The following DCLK2 variants were observed in gnomAD, a reference collection of about 807,000 sequenced individuals.
DCLK2 encodes the protein serine/threonine-protein kinase DCLK2.
DCLK2 carries 31 observed loss-of-function variants against 78.4 expected under a neutral mutation model. The observed-to-expected ratio is 0.40, with a 90% CI of 0.30 to 0.53. The LOEUF (loss-of-function observed/expected upper bound fraction) is 0.53, where lower values mean the gene tolerates loss of function less well. Among genes scored for constraint, DCLK2 ranks in the 20% least tolerant of loss-of-function variants. DCLK2 has a pLI of 0.61. For missense variants in DCLK2, 872 were observed against 973.7 expected (o/e 0.90, Z 1.39); for synonymous variants, 407 against 374.9 (o/e 1.09, Z -0.99).
At position 150,175,026 on chromosome 4, in the gene DCLK2, A is replaced by ATATATATT. The variant is rs1161645435; in HGVS notation, c.757-18104_757-18097dup. The stretch of plus-strand genomic sequence containing the variant: ...AAAAAAAAAAAATATATATATATAT[A>ATATATATT]TATATATTTATATATATTTATATAT... On this transcript the variant is annotated intron_variant, in intron 2 of 15. Transcript: ENST00000296550. 5.4e-5 allele frequency among the ~76,000 whole-genome samples: 3 copies of ATATATATT among 55,140 alleles called. 1 individual carries two copies. Among genetic ancestry groups the ATATATATT allele is most frequent in the Non-Finnish European group, 1.1e-4 (3 of 27,140 alleles). 36.2% of individuals were successfully genotyped at this position (55,140 alleles called of 152,430 possible).
chr4:150,110,104 T>A (rs932870273), intron 2 of DCLK2, among the ~76,000 whole-genome samples: 44 of 152,228 alleles, frequency 2.9e-4, no homozygotes, highest in African/African-American at 1.0e-3. Flanking sequence ...TCCTGTCAGT[T>A]GCAAATTAGA....
chr4:150,169,656 C>CAA (rs60421412), intron 2 of DCLK2, among the ~76,000 whole-genome samples: 2,615 of 98,022 alleles, frequency 0.027, 100 homozygotes, highest in African/African-American at 0.086. Flanking sequence ...AACTCCGTCT[C>CAA]AAAAAAAAAA....
chr4:150,156,452 G>A (rs942615853), intron 2 of DCLK2, among the ~76,000 whole-genome samples: 1 of 151,502 alleles, frequency 6.6e-6, no homozygotes, highest in Admixed American at 6.6e-5. Context: ...TTAAAAACCA[G>A]ATGGGGCAAC....
intron 5 of DCLK2, among the ~76,000 whole-genome samples, chr4:150,215,576 G>T (rs906859811): frequency 3.9e-5 from 6 of 152,170 alleles, no homozygotes; most frequent in African/African-American, 9.7e-5. Flanking sequence ...AGGTATGGGG[G>T]AAGGCATGCA....
intron 2 of DCLK2, among the ~76,000 whole-genome samples, chr4:150,134,134 G>A (rs1449051274): frequency 2.9e-5 from 4 of 138,270 alleles, no homozygotes; most frequent in African/African-American, 1.1e-4. Flanking sequence ...AGGCTGGAGT[G>A]CAATGGCGCA....
chr4:150,130,777 C>T (rs1304837700), intron 2 of DCLK2, among the ~76,000 whole-genome samples: 2 of 151,954 alleles, frequency 1.3e-5, no homozygotes, highest in Non-Finnish European at 2.9e-5. Context: ...GCAGAGGATA[C>T]GGAGCAGAGA....
chr4:150,199,336 C>T (rs1272983772), intron 4 of DCLK2, among the ~76,000 whole-genome samples: 4 of 152,256 alleles, frequency 2.6e-5, no homozygotes, highest in South Asian at 2.1e-4. Flanking sequence ...GGCACATCAC[C>T]GCAAGGGGTC....
intron 11 of DCLK2, 50 bp downstream of exon 11, chr4:150,239,925 T>C (rs1217100612): frequency 1.3e-6 from 2 of 1,599,856 alleles, no homozygotes; most frequent in Non-Finnish European, 1.7e-6. Context: ...ATGAGAAAGG[T>C]CTGTTTTGTT....
chr4:150,236,528 A>G lies in DCLK2; in HGVS notation c.1567-3214A>G, dbSNP rs192435979. Among the ~76,000 whole-genome samples, 303 of 152,316 alleles carry G rather than the reference A, an allele frequency of 2.0e-3. 1 individual carries two copies. The highest frequency in any genetic ancestry group is 3.3e-3 in the Non-Finnish European group (227 of 68,014). On this transcript the variant is annotated intron_variant, in intron 10 of 15. Transcript: ENST00000296550. ...CTTCGAAAGAATTTTGAAATCTCCA[A>G]AGTCCTTGAGAATGTCAGTTTCTGG...
chr4:150,229,806 A>G (rs922411418), intron 8 of DCLK2, among the ~76,000 whole-genome samples: 4 of 152,166 alleles, frequency 2.6e-5, no homozygotes, highest in Admixed American at 6.5e-5. Flanking sequence ...GAATCACTTA[A>G]CATATATAAT....
At chr4:150,103,289 A>G (rs1422606873) in intron 2 of DCLK2, among the ~76,000 whole-genome samples, 3 of 152,222 alleles carry the variant, frequency 2.0e-5, no homozygotes, top group Non-Finnish European at 4.4e-5. Flanking sequence ...GTACTTTTAT[A>G]GGAATGTCTG....
At chr4:150,167,594 G>A (rs1736193741) in intron 2 of DCLK2, among the ~76,000 whole-genome samples, 1 of 152,220 alleles carries the variant, frequency 6.6e-6, no homozygotes, top group Non-Finnish European at 1.5e-5. Context: ...AACTGTTACA[G>A]TAGGTAGCTA....
chr4:150,079,810 G>T (rs113424050), intron 1 of DCLK2, among the ~76,000 whole-genome samples: 1 of 152,302 alleles, frequency 6.6e-6, no homozygotes, highest in Non-Finnish European at 1.5e-5. Flanking sequence ...AAGCTCTGTT[G>T]GACCCTCGGT....
At chr4:150,130,694 A>G (rs1019857422) in intron 2 of DCLK2, among the ~76,000 whole-genome samples, 1 of 151,968 alleles carries the variant, frequency 6.6e-6, no homozygotes, top group Non-Finnish European at 1.5e-5. Context: ...AACTGAGGCT[A>G]AAAGAGAAGG....
intron 2 of DCLK2, among the ~76,000 whole-genome samples, chr4:150,158,122 A>T (rs1034405456): frequency 6.6e-5 from 10 of 152,200 alleles, no homozygotes; most frequent in Non-Finnish European, 1.2e-4. Flanking sequence ...GATGAGAAGA[A>T]GTTCAAGATA....
chr4:150,083,954 G>C (rs1005723367), intron 1 of DCLK2, among the ~76,000 whole-genome samples: 7 of 152,166 alleles, frequency 4.6e-5, no homozygotes, highest in Non-Finnish European at 1.5e-5. Flanking sequence ...CATTCTCCTG[G>C]GAGAGAGACA....
chr4:150,107,182 T>C (rs946766397), intron 2 of DCLK2, among the ~76,000 whole-genome samples: 9 of 152,178 alleles, frequency 5.9e-5, no homozygotes, highest in African/African-American at 2.2e-4. Flanking sequence ...GAAATCCTGG[T>C]GTAGAGTAAG....
chr4:150,190,247 A>ACAGAT (rs1199630630), intron 2 of DCLK2, among the ~76,000 whole-genome samples: 1 of 66,842 alleles, frequency 1.5e-5, no homozygotes, highest in Non-Finnish European at 2.7e-5. Flanking sequence ...AGATAGATAG[A>ACAGAT]TAGATAGATA....
chr4:150,231,522 G>A (rs1465648615), intron 8 of DCLK2, among the ~76,000 whole-genome samples: 1 of 152,204 alleles, frequency 6.6e-6, no homozygotes, highest in Non-Finnish European at 1.5e-5. Context: ...ATGTACACAT[G>A]TTGAGAGGTC....
Sources: gnomAD v4.1 joint callset for allele counts (sites outside exome capture counted in the v4.1 genomes callset) on GRCh38, gnomAD v4.1.1 for gene constraint, MANE v1.5 for transcripts, NCBI Gene and HGNC (gene_info 2026-07-23, HGNC 2026-07-21) for gene names.